Variants in ACOXL observed in about 807,000 individuals in gnomAD.
ACOXL encodes acyl-CoA oxidase like, also known as acyl-coenzyme A oxidase-like protein.
ACOXL carries 70 observed loss-of-function variants against 71.9 expected under a neutral mutation model. That is an observed-to-expected ratio of 0.97 (90% CI 0.80 to 1.19). ACOXL has a LOEUF of 1.19. Ranked by LOEUF, ACOXL falls within the 50% of genes most tolerant of loss-of-function variation. ACOXL has a pLI of 0.00. For missense variants in ACOXL, 703 were observed against 736.3 expected (o/e 0.95, Z 0.52); for synonymous variants, 253 against 281.6 (o/e 0.90, Z 1.02).
rs1318003861 is a variant in ACOXL, at chr2:110,818,851, A to G, written c.753+13456A>G. On this transcript the variant is annotated intron_variant, in intron 9 of 17. Coordinates refer to ENST00000439055, the MANE Select transcript of ACOXL (RefSeq NM_001142807.4). ...GCTGATGTCAGCACCCTGGGAGCAC[A>G]CGGAAGCTCGTGATCAGCCAAAGCT... Among the ~76,000 whole-genome samples, 7 of 64,472 alleles carry G rather than the reference A, an allele frequency of 1.1e-4. 1 individual carries two copies. The highest frequency in any genetic ancestry group is 2.3e-4 in the African/African-American group (7 of 29,864). The allele number at this position is 64,472 out of a possible 152,430, so 42.3% of individuals were successfully genotyped here. A position where few individuals can be genotyped will look rare whatever the true frequency, so the allele number is the denominator to read the frequency against.
chr2:110,944,958 C>G (rs1298690213), intron 12 of ACOXL, among the ~76,000 whole-genome samples: 5 of 152,192 alleles, frequency 3.3e-5, no homozygotes, highest in African/African-American at 1.2e-4. Context: ...TTTACATTCC[C>G]ACCAGCAGTG....
intron 16 of ACOXL, among the ~76,000 whole-genome samples, chr2:111,057,203 A>T (rs1357712710): frequency 6.6e-6 from 1 of 152,184 alleles, no homozygotes; most frequent in Non-Finnish European, 1.5e-5. Context: ...TCCACTGTGC[A>T]TGCTGGTGGT....
intron 9 of ACOXL, among the ~76,000 whole-genome samples, chr2:110,834,358 T>C (rs1179752902): frequency 6.6e-6 from 1 of 152,264 alleles, no homozygotes; most frequent in African/African-American, 2.4e-5. Context: ...GTGTGGTTTA[T>C]TCATATTATC....
At chr2:110,919,449 C>T (rs1405028035) in intron 11 of ACOXL, among the ~76,000 whole-genome samples, 1 of 151,958 alleles carries the variant, frequency 6.6e-6, no homozygotes, top group Non-Finnish European at 1.5e-5. Context: ...GGAGAAATAC[C>T]TAATGTAGAT....
At position 110,848,290 on chromosome 2, in the gene ACOXL, C is replaced by T. The variant is rs1240866585; in HGVS notation, c.788+6885C>T. On this transcript the variant is annotated intron_variant, in intron 10 of 17. Transcript: ENST00000439055. ...TCTGTCACTGAGGCTCTCTGGTAGA[C>T]TGTTCCATCTGTCTCTTTTTCAGAC... is the stretch of plus-strand genomic sequence containing the variant. 4.6e-5 allele frequency among the ~76,000 whole-genome samples: 7 copies of T among 152,226 alleles called. No individual in the cohort carries two copies. The East Asian group carries it at 1.3e-3, about 29-fold the overall frequency.
chr2:110,750,134 C>G (rs1018155561), intron 1 of ACOXL, among the ~76,000 whole-genome samples: 5 of 152,168 alleles, frequency 3.3e-5, no homozygotes, highest in Non-Finnish European at 7.3e-5. Flanking sequence ...TCTCTGGAAA[C>G]TAGTCATTCA....
At position 110,777,775 on chromosome 2, in the gene ACOXL, G is replaced by C. The variant is rs535287766; in HGVS notation, c.76-6957G>C. Among the ~76,000 whole-genome samples the C allele has an allele frequency of 6.6e-5, 10 of 152,332 alleles. No individual in the cohort carries two copies. The East Asian group carries it at 1.9e-3, about 29-fold the overall frequency. ...GGCCACGGAGGCTGCACAGAGCCCA[G>C]CACTGACCTCCTGTGTGTATGTGGG... On this transcript the variant is annotated intron_variant, in intron 2 of 17. Transcript: ENST00000439055.
intron 10 of ACOXL, among the ~76,000 whole-genome samples, chr2:110,900,934 G>A (rs890084185): frequency 6.6e-6 from 1 of 152,174 alleles, no homozygotes; most frequent in East Asian, 1.9e-4. Flanking sequence ...GTTTATCCTG[G>A]GTGGTGTTGT....
chr2:111,008,350 C>A, intron 14 of ACOXL, among the ~76,000 whole-genome samples: 1 of 152,168 alleles, frequency 6.6e-6, no homozygotes. Context: ...CAGCTACCCC[C>A]TTTCCATCAC....
At chr2:110,820,748 G>A (rs1175920383) in intron 9 of ACOXL, among the ~76,000 whole-genome samples, 4 of 152,174 alleles carry the variant, frequency 2.6e-5, no homozygotes, top group African/African-American at 9.7e-5. Context: ...GGTTTGTACC[G>A]GGGGACAGAG....
At chr2:110,809,409 G>A (rs11676761) in intron 9 of ACOXL, among the ~76,000 whole-genome samples, 1 of 152,188 alleles carries the variant, frequency 6.6e-6, no homozygotes. Flanking sequence ...TGTTTTTTCA[G>A]GCACGTGGGT....
chr2:110,888,257 A>T (rs137958151), intron 10 of ACOXL, among the ~76,000 whole-genome samples: 11 of 152,326 alleles, frequency 7.2e-5, no homozygotes, highest in African/African-American at 2.6e-4. Context: ...AGTGTTTAGG[A>T]TCAAGTTCCA....
intron 11 of ACOXL, among the ~76,000 whole-genome samples, chr2:110,930,691 T>A (rs916933014): frequency 2.6e-5 from 4 of 152,172 alleles, no homozygotes; most frequent in African/African-American, 7.2e-5. Flanking sequence ...TGGGGGCTAA[T>A]TGAATCATGG....
At chr2:110,787,679 C>T (rs1286580414) in intron 3 of ACOXL, among the ~76,000 whole-genome samples, 1 of 152,150 alleles carries the variant, frequency 6.6e-6, no homozygotes, top group Non-Finnish European at 1.5e-5. Flanking sequence ...GCAGGTGTGG[C>T]CCTGGTCACA....
chr2:110,878,609 A>T (rs1244881332), intron 10 of ACOXL, among the ~76,000 whole-genome samples: 2 of 152,054 alleles, frequency 1.3e-5, no homozygotes, highest in African/African-American at 4.8e-5. Flanking sequence ...CTAAAAATAC[A>T]AAAAAATTAG....
intron 12 of ACOXL, chr2:110,968,260 A>G (rs2062019550): frequency 1.7e-6 from 2 of 1,148,766 alleles, no homozygotes; most frequent in Non-Finnish European, 2.6e-6. Flanking sequence ...AAGTGCCTTT[A>G]CCTGCTATTT....
intron 10 of ACOXL, chr2:110,886,888 T>C: frequency 6.5e-7 from 1 of 1,548,286 alleles, no homozygotes; most frequent in Non-Finnish European, 8.7e-7. Context: ...TAACGTTTCT[T>C]ACGCTTGCTC....
intron 14 of ACOXL, among the ~76,000 whole-genome samples, chr2:111,001,437 T>G (rs139063267): frequency 2.0e-5 from 3 of 149,746 alleles, no homozygotes; most frequent in African/African-American, 7.3e-5. Flanking sequence ...TATAAACAAG[T>G]GCTCCTTTCA....
intron 17 of ACOXL, among the ~76,000 whole-genome samples, chr2:111,110,316 G>A (rs112569506): frequency 2.9e-4 from 44 of 152,180 alleles, no homozygotes; most frequent in African/African-American, 9.9e-4. Context: ...TCACACTACC[G>A]TCTTTATTCT....
Sources: gnomAD v4.1 joint callset for allele counts (sites outside exome capture counted in the v4.1 genomes callset) on GRCh38, gnomAD v4.1.1 for gene constraint, MANE v1.5 for transcripts, NCBI Gene and HGNC (gene_info 2026-07-23, HGNC 2026-07-21) for gene names.